REV1: variants seen among roughly 807,000 people sequenced by gnomAD.
The protein encoded by REV1 is translesion synthesis protein REV1.
A neutral mutation model predicts 137.4 loss-of-function variants in REV1; 42 were observed. The ratio of observed to expected loss-of-function variants is 0.31; its 90% CI spans 0.24 to 0.40. REV1 has a LOEUF of 0.40. REV1 is among the 10% of genes least tolerant of loss of function. The pLI is 1.00. For missense variants in REV1, 1,282 were observed against 1,490.1 expected (o/e 0.86, Z 2.30); for synonymous variants, 524 against 519.2 (o/e 1.01, Z -0.12).
At chr2:99,468,137 A>C (rs929300169) in intron 1 of REV1, among the ~76,000 whole-genome samples, 3 of 151,192 alleles carry the variant, frequency 2.0e-5, no homozygotes, top group Non-Finnish European at 4.4e-5. Context: ...CCGAGATTGC[A>C]CCATTGGACT....
intron 21 of REV1, 140 bp downstream of exon 21, chr2:99,402,504 A>T: frequency 1.1e-6 from 1 of 928,252 alleles, no homozygotes; most frequent in Non-Finnish European, 1.6e-6. Flanking sequence ...CCCAGAATTT[A>T]AAAGATTTGG....
chr2:99,441,816 GAAATT>G (rs1268379981), intron 5 of REV1, among the ~76,000 whole-genome samples: 5 of 152,148 alleles, frequency 3.3e-5, no homozygotes, highest in Admixed American at 6.5e-5. Flanking sequence ...TTACATTTAT[GAAATT>G]ATCATTATAA....
intron 10 of REV1, 135 bp from the exon 11 acceptor site, chr2:99,421,788 C>T (rs1022447622): frequency 1.1e-6 from 1 of 919,364 alleles, no homozygotes; most frequent in Middle Eastern, 2.2e-4. Flanking sequence ...GGCTGAAGTA[C>T]CATTTTAGTC....
chr2:99,409,874 A>T (rs1156535674), intron 14 of REV1, among the ~76,000 whole-genome samples: 1 of 129,534 alleles, frequency 7.7e-6, no homozygotes, highest in African/African-American at 2.8e-5. Context: ...CCCCAAAAAA[A>T]ACAGCGTTTT....
intron 1 of REV1, among the ~76,000 whole-genome samples, chr2:99,465,821 T>C (rs1684729179): frequency 6.6e-6 from 1 of 152,244 alleles, no homozygotes; most frequent in Non-Finnish European, 1.5e-5. Context: ...TGAAGCCTTA[T>C]ATATTATCCA....
intron 18 of REV1, 131 bp from the exon 19 acceptor site, chr2:99,403,946 C>T: frequency 1.8e-6 from 2 of 1,082,710 alleles, no homozygotes; most frequent in Non-Finnish European, 2.6e-6. Flanking sequence ...AACAGTTCCC[C>T]AATATCAAAG....
intron 9 of REV1, among the ~76,000 whole-genome samples, chr2:99,428,929 T>C (rs1679748924): frequency 6.6e-6 from 1 of 150,956 alleles, no homozygotes; most frequent in Admixed American, 6.6e-5. Context: ...GAGGTGGAGC[T>C]TGCAGTGAGC....
intron 5 of REV1, among the ~76,000 whole-genome samples, chr2:99,439,607 T>TA (rs1681217489): frequency 6.6e-6 from 1 of 152,146 alleles, no homozygotes. Context: ...TCACTTCAGA[T>TA]AGTCCCAAAG....
At chr2:99,479,527 TATA>T (rs1686378661) in intron 1 of REV1, among the ~76,000 whole-genome samples, 1 of 151,648 alleles carries the variant, frequency 6.6e-6, no homozygotes, top group Non-Finnish European at 1.5e-5. Context: ...TGCATATAAC[TATA>T]ATATGAGATC....
chr2:99,462,528 C>G lies in REV1; in HGVS notation c.149G>C (p.Ser50Thr). The G allele has an allele frequency of 6.2e-7, 1 of 1,613,536 alleles. No individual in the cohort carries two copies. The highest frequency in any genetic ancestry group is 1.1e-5 in the South Asian group (1 of 90,970). Residue 50 changes from serine (S) to threonine (T), a missense_variant, in exon 3 of 23, where the codon AGT becomes ACT. Ser to Thr is a moderately conservative substitution (Grantham distance 58, BLOSUM62 1). Around this residue, in one of 7 missense-constraint regions of REV1, gnomAD observed 107 missense variants for 164.3 expected, o/e 0.65. Transcript: ENST00000258428. ...TCCATTAACATAGATGGCAACTCCACTAAAAATTGTAGATGAAGTCCCATC... is the reference window on the plus strand; with the variant it reads ...TCCATTAACATAGATGGCAACTCCAGTAAAAATTGTAGATGAAGTCCCATC... ...QKDGTSSTIFSGVAIYVNGYT... is the reference protein window; with the variant it reads ...QKDGTSSTIFTGVAIYVNGYT...
At chr2:99,465,510 A>G (rs1158934571) in intron 1 of REV1, among the ~76,000 whole-genome samples, 1 of 152,256 alleles carries the variant, frequency 6.6e-6, no homozygotes, top group African/African-American at 2.4e-5. Flanking sequence ...CATTGATAAT[A>G]AACTATAATA....
At chr2:99,454,550 C>CAAAAAAAAAAAAAAAAAA (rs373850478) in intron 3 of REV1, among the ~76,000 whole-genome samples, 2 of 82,346 alleles carry the variant, frequency 2.4e-5, no homozygotes, top group African/African-American at 9.9e-5. Context: ...AACTCCAGCT[C>CAAAAAAAAAAAAAAAAAA]AAAAAAAAAA....
chr2:99,428,635 G>T (rs1340981055), intron 9 of REV1, among the ~76,000 whole-genome samples: 10 of 152,126 alleles, frequency 6.6e-5, no homozygotes, highest in Non-Finnish European at 1.2e-4. Context: ...ATTAGACGAT[G>T]CTGAGCTCAA....
At chr2:99,450,307 TA>T (rs1314851943) in intron 3 of REV1, among the ~76,000 whole-genome samples, 1 of 152,230 alleles carries the variant, frequency 6.6e-6, no homozygotes, top group Non-Finnish European at 1.5e-5. Flanking sequence ...TCTGATTCAC[TA>T]AAGTCATATT....
At position 99,402,625 on chromosome 2, in the gene REV1, T is replaced by G. The variant is rs767209369; in HGVS notation, c.3541+19A>C. The G allele has an allele frequency of 6.2e-7, 1 of 1,611,034 alleles. No homozygotes were observed. Among genetic ancestry groups the G allele is most frequent in the South Asian group, 1.1e-5 (1 of 90,896 alleles). ...GACTACATCTCAGCCTTGGGCCATCTAACACAGGCCAAGCCAACCTGAAAT... is the reference window on the plus strand; with the variant it reads ...GACTACATCTCAGCCTTGGGCCATCGAACACAGGCCAAGCCAACCTGAAAT... On this transcript the variant is annotated intron_variant, in intron 21 of 22. Coordinates refer to ENST00000258428, the MANE Select transcript of REV1 (RefSeq NM_016316.4).
chr2:99,439,659 CA>C (rs1559352033), intron 5 of REV1, among the ~76,000 whole-genome samples: 1 of 151,964 alleles, frequency 6.6e-6, no homozygotes, highest in African/African-American at 2.4e-5. Flanking sequence ...AAGAAAAACC[CA>C]AAAAACTTTT....
intron 8 of REV1, among the ~76,000 whole-genome samples, chr2:99,430,872 A>G (rs577026104): frequency 6.6e-6 from 1 of 152,274 alleles, no homozygotes; most frequent in Admixed American, 6.5e-5. Flanking sequence ...AAAAAATCAC[A>G]TTCTAAAACC....
intron 1 of REV1, among the ~76,000 whole-genome samples, chr2:99,465,737 C>A (rs901169353): frequency 4.6e-5 from 7 of 152,162 alleles, no homozygotes; most frequent in Admixed American, 6.5e-5. Flanking sequence ...TTATTCTTAA[C>A]AAAATTAATA....
At chr2:99,401,564 T>A (rs1197793466) in intron 22 of REV1, among the ~76,000 whole-genome samples, 2 of 151,418 alleles carry the variant, frequency 1.3e-5, no homozygotes, top group Non-Finnish European at 2.9e-5. Context: ...CTGGCCAACA[T>A]GGTAAAACCC....
Sources: allele counts gnomAD v4.1 joint callset (sites outside exome capture counted in the v4.1 genomes callset), GRCh38; gene constraint gnomAD v4.1.1; regional missense constraint gnomAD v4.1.1; transcripts MANE v1.5; gene names NCBI Gene and HGNC (gene_info 2026-07-23, HGNC 2026-07-21).